Variants in SPOCK1 observed in about 807,000 individuals in gnomAD.
The protein encoded by SPOCK1 is SPARC (osteonectin), cwcv and kazal like domains proteoglycan 1.
A neutral mutation model predicts 55.3 loss-of-function variants in SPOCK1; 23 were observed. That is an observed-to-expected ratio of 0.42 (90% CI 0.30 to 0.59). The LOEUF is 0.59. Ranked by LOEUF, SPOCK1 falls within the 20% of genes least tolerant of loss-of-function variation. The pLI is 0.22. For synonymous variants in SPOCK1, 226 were observed against 221.0 expected, an observed-to-expected ratio of 1.02 and a Z score of -0.20; for missense variants, 499 against 552.5, an observed-to-expected ratio of 0.90 and a Z score of 0.97.
At chr5:137,390,902 A>C (rs1392924227) in intron 2 of SPOCK1, among the ~76,000 whole-genome samples, 1 of 152,192 alleles carries the variant, frequency 6.6e-6, no homozygotes, top group Non-Finnish European at 1.5e-5. Context: ...ATACACACAC[A>C]TACATACTTT....
At chr5:137,194,914 C>G (rs940437552) in intron 3 of SPOCK1, among the ~76,000 whole-genome samples, 1 of 152,152 alleles carries the variant, frequency 6.6e-6, no homozygotes, top group African/African-American at 2.4e-5. Flanking sequence ...CACAAAGGAC[C>G]CTGGTCCTGT....
At chr5:137,354,903 T>G (rs559406297) in intron 2 of SPOCK1, among the ~76,000 whole-genome samples, 131 of 139,422 alleles carry the variant, frequency 9.4e-4, no homozygotes, top group Non-Finnish European at 1.8e-3. Context: ...CTAAGTTTTG[T>G]TTTTTTTTGT....
chr5:137,005,000 A>G (rs1751218746), intron 6 of SPOCK1, among the ~76,000 whole-genome samples: 3 of 152,234 alleles, frequency 2.0e-5, no homozygotes, highest in Non-Finnish European at 2.9e-5. Context: ...AGCAGATCTC[A>G]GAGAGCATCT....
At chr5:137,037,696 GGGAGTCGC>G (rs1751910579) in intron 6 of SPOCK1, among the ~76,000 whole-genome samples, 1 of 152,118 alleles carries the variant, frequency 6.6e-6, no homozygotes, top group East Asian at 1.9e-4. Flanking sequence ...TTGAACTCAT[GGGAGTCGC>G]TAACCTAAAA....
chr5:137,100,515 G>T (rs1158372790), intron 5 of SPOCK1, among the ~76,000 whole-genome samples: 1 of 152,168 alleles, frequency 6.6e-6, no homozygotes, highest in African/African-American at 2.4e-5. Flanking sequence ...TCATCTTTTG[G>T]CCTCTCCACT....
chr5:136,978,034 A>G lies in SPOCK1; in HGVS notation c.*620T>C, dbSNP rs1204046817. 4.3e-4 allele frequency: 170 copies of G among 398,204 alleles called. 1 individual carries two copies. The highest frequency in any genetic ancestry group is 1.8e-5 in the Non-Finnish European group (4 of 226,000). The allele number at this position is 398,204 out of a possible 1,614,324, so 24.7% of individuals were successfully genotyped here. ...TATGCATGTACAGGGAAGTATCCAG[A>G]CACCAATTTTTAATAAAATGAATTC... On this transcript the variant is annotated 3_prime_UTR_variant, in exon 11 of 11. Transcript: ENST00000394945.
At chr5:137,102,863 T>A (rs901744598) in intron 5 of SPOCK1, among the ~76,000 whole-genome samples, 2 of 152,230 alleles carry the variant, frequency 1.3e-5, no homozygotes. Context: ...CTTAGCACAA[T>A]GTGATAGTGC....
At chr5:137,136,817 C>G (rs897654368) in intron 4 of SPOCK1, among the ~76,000 whole-genome samples, 2 of 152,294 alleles carry the variant, frequency 1.3e-5, no homozygotes, top group African/African-American at 2.4e-5. Context: ...AAAAATCTGT[C>G]CCTTGCAACC....
At chr5:137,015,108 T>C (rs778451502) in intron 6 of SPOCK1, among the ~76,000 whole-genome samples, 11 of 152,144 alleles carry the variant, frequency 7.2e-5, no homozygotes, top group Non-Finnish European at 1.3e-4. Flanking sequence ...AGCATGGTTA[T>C]CACAGTAGTC....
chr5:137,431,330 C>T (rs1231091615), intron 2 of SPOCK1, among the ~76,000 whole-genome samples: 1 of 152,212 alleles, frequency 6.6e-6, no homozygotes, highest in Non-Finnish European at 1.5e-5. Context: ...GTTTGTGTAC[C>T]AGCTCAGTCA....
chr5:137,112,305 A>G (rs767789643), intron 5 of SPOCK1, 130 bp downstream of exon 5: 2 of 1,149,430 alleles, frequency 1.7e-6, no homozygotes, highest in Non-Finnish European at 2.5e-6. Context: ...GAGTCTGCTA[A>G]TGCAGCAGCT....
chr5:137,176,515 TG>T (rs1754854765), intron 3 of SPOCK1, among the ~76,000 whole-genome samples: 2 of 151,924 alleles, frequency 1.3e-5, no homozygotes, highest in African/African-American at 4.8e-5. Context: ...TGTGTGTGTG[TG>T]TGTGTGTGTG....
chr5:137,277,593 T>C (rs535480431), intron 2 of SPOCK1, among the ~76,000 whole-genome samples: 4 of 152,136 alleles, frequency 2.6e-5, no homozygotes, highest in Non-Finnish European at 5.9e-5. Flanking sequence ...ACAGCACAGA[T>C]GACGGGCCTC....
chr5:137,482,422 G>A (rs1465196155), intron 2 of SPOCK1, among the ~76,000 whole-genome samples: 1 of 152,096 alleles, frequency 6.6e-6, no homozygotes, highest in Non-Finnish European at 1.5e-5. Context: ...CCCACCCCAA[G>A]GCAGAGATAT....
intron 6 of SPOCK1, among the ~76,000 whole-genome samples, chr5:137,010,092 C>T (rs547068143): frequency 9.2e-5 from 14 of 152,198 alleles, no homozygotes; most frequent in Non-Finnish European, 1.6e-4. Context: ...CCTATTCATG[C>T]AGTTCTACTT....
chr5:137,218,780 GT>G (rs1051933316), intron 3 of SPOCK1, among the ~76,000 whole-genome samples: 33 of 152,212 alleles, frequency 2.2e-4, no homozygotes, highest in African/African-American at 6.3e-4. Flanking sequence ...AGCACAGGTG[GT>G]CCCAAACCTG....
intron 3 of SPOCK1, among the ~76,000 whole-genome samples, chr5:137,255,393 G>A (rs937020453): frequency 1.3e-5 from 2 of 152,154 alleles, no homozygotes; most frequent in Admixed American, 6.5e-5. Context: ...AACTCACTGC[G>A]CATGTGATGG....
intron 2 of SPOCK1, among the ~76,000 whole-genome samples, chr5:137,430,024 G>A (rs971356948): frequency 2.6e-5 from 4 of 152,304 alleles, no homozygotes; most frequent in East Asian, 3.9e-4. Context: ...AGAATAGCAA[G>A]TACTTGGGAA....
chr5:137,205,841 G>A (rs1183287742), intron 3 of SPOCK1, among the ~76,000 whole-genome samples: 2 of 152,268 alleles, frequency 1.3e-5, no homozygotes, highest in Middle Eastern at 3.4e-3. Flanking sequence ...ACATGTACTC[G>A]GCACAGTTCC....
Sources: allele counts gnomAD v4.1 joint callset (sites outside exome capture counted in the v4.1 genomes callset), GRCh38; gene constraint gnomAD v4.1.1; transcripts MANE v1.5; gene names NCBI Gene and HGNC (gene_info 2026-07-23, HGNC 2026-07-21).